PARVB: variants seen among roughly 807,000 people sequenced by gnomAD.
PARVB encodes the protein parvin beta.
A neutral mutation model predicts 47.0 loss-of-function variants in PARVB; 46 were observed. The observed-to-expected ratio is 0.98, with a 90% CI of 0.77 to 1.25. The LOEUF (loss-of-function observed/expected upper bound fraction) is 1.25. PARVB is among the 50% of genes most tolerant of loss of function. The probability of loss-of-function intolerance (pLI) is 0.00; values close to 1 mark genes in which losing one functional copy is unlikely to be tolerated. For synonymous variants in PARVB, 196 were observed against 196.3 expected, an observed-to-expected ratio of 1.00 and a Z score of 0.01; for missense variants, 473 against 471.6, an observed-to-expected ratio of 1.00 and a Z score of -0.03.
rs2053175930 is a variant in PARVB, at chr22:44,125,929, A to G, written c.377-5558A>G. ...AGTGGAAGGGCAGACATGGGGAGGT[A>G]CTGTACAGTTAAACTGCCATAGGAA... On this transcript the variant is annotated intron_variant, in intron 4 of 12. Transcript: ENST00000338758. This position sits in a 1 kb window ranked among gnomAD's most constrained non-coding sequence, Gnocchi z 4.1. Among the ~76,000 whole-genome samples, 1 of 152,152 alleles carries G rather than the reference A, an allele frequency of 6.6e-6. No individual in the cohort carries two copies. Among genetic ancestry groups the G allele is most frequent in the African/African-American group, 2.4e-5 (1 of 41,434 alleles).
At chr22:44,030,856 G>A (rs1394657135) in intron 1 of PARVB, among the ~76,000 whole-genome samples, 2 of 152,032 alleles carry the variant, frequency 1.3e-5, no homozygotes, top group East Asian at 1.9e-4. Flanking sequence ...CTCTGATAGC[G>A]TCAGGGCCCG....
intron 1 of PARVB, among the ~76,000 whole-genome samples, chr22:44,026,876 G>T (rs1418593554): frequency 6.6e-6 from 1 of 152,162 alleles, no homozygotes; most frequent in African/African-American, 2.4e-5. Context: ...TGAGGTTCCA[G>T]ATTCAGGCAG....
chr22:44,119,046 C>G lies in PARVB; in HGVS notation c.282C>G (p.Leu94=). 3 of 1,613,462 alleles carry G rather than the reference C, an allele frequency of 1.9e-6. No homozygotes were observed. Residue 94 remains leucine, a synonymous_variant, in exon 4 of 13, where the codon CTC becomes CTG. Transcript: ENST00000338758. ...PKFKELVKVL[L]DWINDVLVEE... is the part of the protein sequence containing the mutation. ...GCCTGCGTCTCCTGCAGGTCCTCCT[C>G]GACTGGATTAATGACGTGCTGGTGG...
At chr22:44,139,964 C>A in intron 7 of PARVB, 160 bp from the exon 8 acceptor site, 1 of 464,358 alleles carries the variant, frequency 2.2e-6, no homozygotes, top group Admixed American at 2.7e-5. Flanking sequence ...CAGGCTGGAA[C>A]ACAGCACCAT....
chr22:44,022,462 A>G (rs997496608), upstream of PARVB, among the ~76,000 whole-genome samples: 2 of 152,016 alleles, frequency 1.3e-5, no homozygotes, highest in African/African-American at 4.8e-5. Context: ...TCCTGTGCCC[A>G]CGTTCTCCTT....
chr22:44,077,171 G>C (rs2051795447), intron 1 of PARVB, among the ~76,000 whole-genome samples: 1 of 152,272 alleles, frequency 6.6e-6, no homozygotes, highest in Admixed American at 6.5e-5. Context: ...TTGGAGGCTG[G>C]AAGTCCAAGA....
chr22:44,102,555 G>T (rs1457277570), intron 3 of PARVB, among the ~76,000 whole-genome samples: 1 of 152,122 alleles, frequency 6.6e-6, no homozygotes, highest in Admixed American at 6.5e-5. Flanking sequence ...AGAGGTGAAG[G>T]GGCTGGGCGC....
At chr22:44,091,324 G>A (rs892118266) in intron 1 of PARVB, among the ~76,000 whole-genome samples, 3 of 144,798 alleles carry the variant, frequency 2.1e-5, no homozygotes, top group African/African-American at 7.6e-5. Flanking sequence ...TGTAAAATAG[G>A]CATAACGTAA....
intron 1 of PARVB, among the ~76,000 whole-genome samples, chr22:44,090,299 GC>G (rs1176020405): frequency 6.6e-6 from 1 of 152,216 alleles, no homozygotes; most frequent in East Asian, 1.9e-4. Flanking sequence ...GCCAGCCTGT[GC>G]CCCCCTCCTC....
Position 44,132,988 on chromosome 22 carries a change from G to T in PARVB, c.612G>T (p.Thr204=). Residue 204 remains threonine, a synonymous_variant, in exon 6 of 13, where the codon ACG becomes ACT. Transcript: ENST00000338758. ...CCATCCGCCTTCCTGAGCATGTAACGGTGCAGGTGGTGGTCGTGCGGGTGA... is the reference window on the plus strand; with the variant it reads ...CCATCCGCCTTCCTGAGCATGTAACTGTGCAGGTGGTGGTCGTGCGGGTGA... The part of the protein sequence containing the change: ...RAPIRLPEHV[T]VQVVVVRKRE... 6.2e-7 allele frequency: 1 copy of T among 1,613,598 alleles called. No homozygotes were observed. Among genetic ancestry groups the T allele is most frequent in the East Asian group, 2.2e-5 (1 of 44,834 alleles).
intron 12 of PARVB, among the ~76,000 whole-genome samples, chr22:44,165,879 T>C (rs1487075004): frequency 6.6e-6 from 1 of 152,210 alleles, no homozygotes; most frequent in African/African-American, 2.4e-5. Context: ...TCCCTGCTGA[T>C]GGTGGCTGCT....
In PARVB at chr22:44,025,845, A is replaced by G. The variant is rs1356822815; in HGVS notation, c.112+1394A>G. On this transcript the variant is annotated intron_variant, in intron 1 of 12. Coordinates refer to ENST00000338758, the MANE Select transcript of PARVB (RefSeq NM_013327.5). ...TGACGCTCCCCTCCCAATTCAGCCCACAGCCTGTGGAGCGCCCGCCATGGG... is the reference window on the plus strand; with the variant it reads ...TGACGCTCCCCTCCCAATTCAGCCCGCAGCCTGTGGAGCGCCCGCCATGGG... 4.6e-5 allele frequency among the ~76,000 whole-genome samples: 7 copies of G among 152,282 alleles called. No individual in the cohort carries two copies. In the East Asian group the frequency reaches 1.4e-3, roughly 29 times the overall value.
chr22:44,013,307 A>G (rs1348645544), intron 2 of PARVB, among the ~76,000 whole-genome samples: 1 of 152,160 alleles, frequency 6.6e-6, no homozygotes, highest in Non-Finnish European at 1.5e-5. Context: ...GGTATCACGT[A>G]TTGACTTTCT....
At chr22:44,030,696 C>T (rs34390222) in intron 1 of PARVB, among the ~76,000 whole-genome samples, 6,764 of 152,126 alleles carry the variant, frequency 0.044, 203 homozygotes, top group Non-Finnish European at 0.07. Flanking sequence ...TGTTTTCTAG[C>T]GGGCTGCAGC....
intron 1 of PARVB, among the ~76,000 whole-genome samples, chr22:44,086,513 C>T (rs2052028430): frequency 6.6e-6 from 1 of 152,184 alleles, no homozygotes; most frequent in East Asian, 1.9e-4. Context: ...CCTTTGCACG[C>T]GTGATGTGCC....
At chr22:44,097,521 C>T (rs374639094) in intron 2 of PARVB, among the ~76,000 whole-genome samples, 1 of 152,322 alleles carries the variant, frequency 6.6e-6, no homozygotes, top group African/African-American at 2.4e-5. Context: ...AGCTCTGGAG[C>T]CCCCAGATAC....
intron 3 of PARVB, chr22:44,111,788 T>G (rs2039675316): frequency 6.6e-6 from 1 of 151,896 alleles, no homozygotes; most frequent in Admixed American, 6.6e-5. Flanking sequence ...ATAAAAGACA[T>G]GCAAAATATT....
rs150434951 is a variant in PARVB, at chr22:44,140,123, G to T, written c.693-1G>T. The T allele has an allele frequency of 1.9e-5, 30 of 1,592,202 alleles. No homozygotes were observed. The highest frequency in any genetic ancestry group is 1.6e-4 in the Admixed American group (9 of 57,934). On this transcript the variant is annotated splice_acceptor_variant, in intron 7 of 12. Transcript: ENST00000338758. LOFTEE classifies it high-confidence loss of function. ...GGCTCTCTCTGTGTTCTTGTTTGCA[G>T]GATGATGATGGGCCGGTTCGGTAAG...
At chr22:44,123,172 A>G (rs16991520) in intron 4 of PARVB, among the ~76,000 whole-genome samples, 8,285 of 152,206 alleles carry the variant, frequency 0.054, 740 homozygotes, top group African/African-American at 0.19. Context: ...GACATGATGT[A>G]ATATTTCCAT....
Sources: gnomAD v4.1 joint callset for allele counts (sites outside exome capture counted in the v4.1 genomes callset) on GRCh38, gnomAD v4.1.1 for gene constraint, Gnocchi (gnomAD v3.1) non-coding constraint, MANE v1.5 for transcripts, NCBI Gene and HGNC (gene_info 2026-07-23, HGNC 2026-07-21) for gene names.